PECR: variants seen among roughly 807,000 people sequenced by gnomAD.
PECR encodes peroxisomal trans-2-enoyl-CoA reductase, also known as 2,4-dienoyl-CoA reductase-related protein.
Under a neutral mutation model 35.3 loss-of-function variants are expected in PECR, and 30 were observed. The ratio of observed to expected loss-of-function variants is 0.85; its 90% CI spans 0.64 to 1.15. PECR has a LOEUF of 1.15. Among genes scored for constraint, PECR ranks in the 50% most tolerant of loss-of-function variants. The pLI is 0.00. For synonymous variants in PECR, 148 were observed against 138.9 expected (o/e 1.07, Z -0.46); for missense variants, 392 against 370.8 (o/e 1.06, Z -0.47).
chr2:216,059,664 C>T (rs746737837), intron 3 of PECR, among the ~76,000 whole-genome samples: 20 of 152,156 alleles, frequency 1.3e-4, no homozygotes, highest in South Asian at 2.1e-4. Context: ...AGTTTCTACA[C>T]GCCACTGCTG....
At chr2:216,052,083 G>A (rs1695127457) in intron 4 of PECR, among the ~76,000 whole-genome samples, 1 of 152,214 alleles carries the variant, frequency 6.6e-6, no homozygotes, top group African/African-American at 2.4e-5. Context: ...CTGTTCAGGA[G>A]GCTGAGGCAG....
In PECR at chr2:216,065,404, T is replaced by G; in HGVS notation, c.332A>C (p.Gln111Pro). ...INFLVNNGGGQFLSPAEHISS... is the reference protein window; with the variant it reads ...INFLVNNGGGPFLSPAEHISS... ...GATGTGTTCAGCAGGGGAAAGAAAC[T>G]GGCCTCCTCCATTGTTCACCAAGAA... The change falls in exon 3 of 8, where the codon CAG becomes CCG. Residue 111 changes from glutamine to proline, a missense_variant. Transcript: ENST00000265322. 6.2e-7 allele frequency: 1 copy of G among 1,608,154 alleles called. No individual in the cohort carries two copies. Among genetic ancestry groups the G allele is most frequent in the Non-Finnish European group, 8.5e-7 (1 of 1,174,492 alleles).
At chr2:216,070,965 T>C (rs1695576899) in intron 1 of PECR, among the ~76,000 whole-genome samples, 1 of 152,216 alleles carries the variant, frequency 6.6e-6, no homozygotes, top group Non-Finnish European at 1.5e-5. Flanking sequence ...GTATACTGAG[T>C]TGATCACGAC....
At chr2:216,071,557 T>C (rs2105966711) in intron 1 of PECR, among the ~76,000 whole-genome samples, 1 of 152,316 alleles carries the variant, frequency 6.6e-6, no homozygotes, top group African/African-American at 2.4e-5. Flanking sequence ...AATCCTTGAT[T>C]CCCTCGCTTC....
chr2:216,079,608 C>T (rs1695787583), intron 1 of PECR, among the ~76,000 whole-genome samples: 1 of 151,396 alleles, frequency 6.6e-6, no homozygotes, highest in East Asian at 2.0e-4. Context: ...ACCTTGTGCT[C>T]TGCCCGCCTC....
Position 216,043,596 on chromosome 2 carries a change from T to C in PECR, c.826+308A>G, listed in dbSNP as rs544700195. ...CAAAATGGAATTAAATCTTTAAAACTATAGCATGCTCTTGCCTCTTTTCTG... is the reference window on the plus strand; with the variant it reads ...CAAAATGGAATTAAATCTTTAAAACCATAGCATGCTCTTGCCTCTTTTCTG... On this transcript the variant is annotated intron_variant, in intron 7 of 7. Transcript: ENST00000265322. Among the ~76,000 whole-genome samples, 4 of 152,288 alleles carry C rather than the reference T, an allele frequency of 2.6e-5. No individual in the cohort carries two copies. In the East Asian group the frequency reaches 7.7e-4, roughly 29 times the overall value.
intron 7 of PECR, among the ~76,000 whole-genome samples, chr2:216,033,238 T>C (rs554156825): frequency 4.1e-4 from 62 of 152,328 alleles, no homozygotes; most frequent in African/African-American, 1.4e-3. Flanking sequence ...CCTCCATTTT[T>C]TTAAGTTGGA....
intron 6 of PECR, among the ~76,000 whole-genome samples, chr2:216,045,049 G>T (rs960871211): frequency 1.3e-5 from 2 of 152,172 alleles, no homozygotes; most frequent in Non-Finnish European, 2.9e-5. Flanking sequence ...GGCAAATAAG[G>T]TGTCGAGGGT....
At chr2:216,055,166 A>G (rs1281488920) in intron 4 of PECR, among the ~76,000 whole-genome samples, 3 of 148,176 alleles carry the variant, frequency 2.0e-5, no homozygotes, top group African/African-American at 7.5e-5. Context: ...GGCCAGGCAC[A>G]GTGGCTCACG....
chr2:216,065,180 T>C, intron 3 of PECR, 132 bp downstream of exon 3: 1 of 768,160 alleles, frequency 1.3e-6, no homozygotes, highest in Non-Finnish European at 2.4e-6. Flanking sequence ...ATGTACCAAT[T>C]TACATTCCTA....
At position 216,068,238 on chromosome 2, in the gene PECR, A is replaced by C. The variant is rs950804745; in HGVS notation, c.125-1720T>G. ...AAGACTCCATATCAAAAAAAAAAAA[A>C]AAAAAAAAAACCGGAACCAGAAATG... On this transcript the variant is annotated intron_variant, in intron 1 of 7. Transcript: ENST00000265322. Among the ~76,000 whole-genome samples, 7 of 151,592 alleles carry C rather than the reference A, an allele frequency of 4.6e-5. No individual in the cohort carries two copies. The South Asian group carries it at 1.0e-3, about 23-fold the overall frequency.
chr2:216,037,071 T>C (rs1694805826), downstream of PECR, among the ~76,000 whole-genome samples: 1 of 148,052 alleles, frequency 6.8e-6, no homozygotes, highest in Non-Finnish European at 1.5e-5. Context: ...CACCATTGCA[T>C]GTCTGACTCC....
At chr2:216,079,828 A>C (rs1036358531) in intron 1 of PECR, among the ~76,000 whole-genome samples, 2 of 149,360 alleles carry the variant, frequency 1.3e-5, no homozygotes, top group Non-Finnish European at 3.0e-5. Flanking sequence ...CTAAAAATAC[A>C]AAATTAGCCT....
At chr2:216,031,524 A>G (rs544846628) in intron 7 of PECR, among the ~76,000 whole-genome samples, 102 of 142,900 alleles carry the variant, frequency 7.1e-4, no homozygotes, top group African/African-American at 2.1e-3. Context: ...AGGAAGGGAA[A>G]AGAAAAGAAA....
chr2:216,033,698 G>A (rs1169061964), downstream of PECR: 2 of 152,414 alleles, frequency 1.3e-5, no homozygotes. Flanking sequence ...TTGGAGTGGG[G>A]AGGAGACCTC....
chr2:216,059,361 T>C lies in PECR; in HGVS notation c.425-385A>G, dbSNP rs555665327. Among the ~76,000 whole-genome samples the C allele has an allele frequency of 7.0e-4, 106 of 152,352 alleles. 1 individual carries two copies. The highest frequency in any genetic ancestry group is 1.2e-3 in the Non-Finnish European group (80 of 68,032). Reference sequence around the variant, plus strand: ...GTGAATCACACAATACGTGGTCTTTTGTGTCTAACTTCTTCCACTTAGAAT... The same window carrying C: ...GTGAATCACACAATACGTGGTCTTTCGTGTCTAACTTCTTCCACTTAGAAT... On this transcript the variant is annotated intron_variant, in intron 3 of 7. Coordinates refer to ENST00000265322, the MANE Select transcript of PECR (RefSeq NM_018441.6).
At chr2:216,060,368 A>G (rs546406682) in intron 3 of PECR, among the ~76,000 whole-genome samples, 6 of 152,294 alleles carry the variant, frequency 3.9e-5, no homozygotes, top group Non-Finnish European at 7.3e-5. Flanking sequence ...TCGCCTTCTA[A>G]AAATCATTCC....
At chr2:216,046,276 GTATATATATATACATACATA>G (rs1694987401) in intron 6 of PECR, among the ~76,000 whole-genome samples, 1 of 106,698 alleles carries the variant, frequency 9.4e-6, no homozygotes, top group African/African-American at 3.7e-5. Flanking sequence ...ACCACATAAA[GTATATATATATACATACATA>G]TATATATATA....
At chr2:216,078,620 T>C (rs1363732361) in intron 1 of PECR, among the ~76,000 whole-genome samples, 2 of 152,004 alleles carry the variant, frequency 1.3e-5, no homozygotes, top group South Asian at 2.1e-4. Flanking sequence ...ATTTTTAATA[T>C]TCTTTCACTG....
Sources: gnomAD v4.1 joint callset for allele counts (sites outside exome capture counted in the v4.1 genomes callset) on GRCh38, gnomAD v4.1.1 for gene constraint, MANE v1.5 for transcripts, NCBI Gene and HGNC (gene_info 2026-07-23, HGNC 2026-07-21) for gene names.